The following MYH11 variants were observed in gnomAD, a reference collection of about 807,000 sequenced individuals.
The protein encoded by MYH11 is myosin heavy chain 11.
In MYH11, 80 loss-of-function variants were observed where a neutral mutation model predicts 246.6. The ratio of observed to expected loss-of-function variants is 0.32; its 90% CI spans 0.27 to 0.39. The LOEUF (loss-of-function observed/expected upper bound fraction) is 0.39, where lower values mean the gene tolerates loss of function less well. MYH11 is among the 10% of genes least tolerant of loss of function. MYH11 has a pLI of 1.00. For synonymous variants in MYH11, 1,071 were observed against 1,015.5 expected, an observed-to-expected ratio of 1.05 and a Z score of -1.04; for missense variants, 2,158 against 2,546.8, an observed-to-expected ratio of 0.85 and a Z score of 3.29.
intron 3 of MYH11, among the ~76,000 whole-genome samples, chr16:15,808,565 A>C (rs748179303): frequency 1.3e-5 from 2 of 152,166 alleles, no homozygotes; most frequent in African/African-American, 2.4e-5. Flanking sequence ...GCAACCCAAC[A>C]GGTGTTTTCC....
At position 15,721,385 on chromosome 16, in the gene MYH11, G is replaced by A. The variant is rs373376078; in HGVS notation, c.4578+37C>T. The A allele has an allele frequency of 2.1e-4, 339 of 1,607,430 alleles. 5 individuals carry two copies. In the South Asian group the frequency reaches 3.1e-3, roughly 15 times the overall value. On this transcript the variant is annotated intron_variant, in intron 32 of 40. Coordinates refer to ENST00000300036, the MANE Select transcript of MYH11 (RefSeq NM_002474.3). Reference sequence around the variant, plus strand: ...TGAATAGCACAGAGGGTGGGCAGGCGAAACATGGACGAGAAAAACCACCCA... The same window carrying A: ...TGAATAGCACAGAGGGTGGGCAGGCAAAACATGGACGAGAAAAACCACCCA...
At position 15,798,764 on chromosome 16, in the gene MYH11, AG is replaced by A. The variant is rs1445968882; in HGVS notation, c.503-78del. 5 of 1,435,264 alleles carry A rather than the reference AG, an allele frequency of 3.5e-6. No homozygotes were observed. In the African/African-American group the frequency reaches 7.3e-5, roughly 21 times the overall value. 88.9% of individuals were successfully genotyped at this position (1,435,264 alleles called of 1,614,324 possible). On this transcript the variant is annotated intron_variant, in intron 3 of 40. Coordinates refer to ENST00000300036, the MANE Select transcript of MYH11 (RefSeq NM_002474.3). Reference sequence around the variant, plus strand: ...TAAGGGTCTGGACTTGGCTCCTCCCAGGGCCCTCCCATTCTAAAGCTTCTCC... The same window carrying A: ...TAAGGGTCTGGACTTGGCTCCTCCCAGGCCCTCCCATTCTAAAGCTTCTCC...
In MYH11 at chr16:15,750,520, G is replaced by T. The variant is rs1335757937; in HGVS notation, c.1865-189C>A. ...AAATCCTGAGAGCACCTGAGTGGCA[G>T]AAAGAACAAATTCCCTGTGATGGAG... On this transcript the variant is annotated intron_variant, in intron 15 of 40. Coordinates refer to ENST00000300036, the MANE Select transcript of MYH11 (RefSeq NM_002474.3). This position sits in a 1 kb window ranked among gnomAD's most constrained non-coding sequence, Gnocchi z 4.3. 6.6e-6 allele frequency among the ~76,000 whole-genome samples: 1 copy of T among 152,202 alleles called. No homozygotes were observed. The highest frequency in any genetic ancestry group is 2.4e-5 in the African/African-American group (1 of 41,456).
chr16:15,721,441 T>C lies in MYH11; in HGVS notation c.4559A>G (p.Lys1520Arg). The C allele has an allele frequency of 1.9e-6, 3 of 1,614,216 alleles. No individual in the cohort carries two copies. Among genetic ancestry groups the C allele is most frequent in the Non-Finnish European group, 2.5e-6 (3 of 1,180,044 alleles). The change falls in exon 32 of 41, where the codon AAG becomes AGG. Residue 1520 changes from lysine (K) to arginine (R), a missense_variant. Transcript: ENST00000300036. ...ACTTACGTTCTTGCCCACGTCATCC[T>C]TGGAGCTGACCAGGTCTTCCATTTC... Reference protein sequence around the residue: ...KAEMEDLVSSKDDVGKNVHEL... With the variant: ...KAEMEDLVSSRDDVGKNVHEL...
intron 4 of MYH11, among the ~76,000 whole-genome samples, chr16:15,794,066 C>G (rs2042685795): frequency 6.7e-6 from 1 of 149,396 alleles, no homozygotes; most frequent in South Asian, 2.1e-4. Flanking sequence ...GCCTCAGCCT[C>G]CTGAATAGCT....
chr16:15,798,572 A>T, intron 4 of MYH11, 88 bp downstream of exon 4: 2 of 1,343,124 alleles, frequency 1.5e-6, no homozygotes, highest in Non-Finnish European at 2.0e-6. Flanking sequence ...GCACTCATGG[A>T]TCTTTTCTTT....
At chr16:15,772,346 C>T (rs1192734432) in intron 8 of MYH11, among the ~76,000 whole-genome samples, 1 of 152,026 alleles carries the variant, frequency 6.6e-6, no homozygotes, top group Non-Finnish European at 1.5e-5. Flanking sequence ...CCCACCTTGG[C>T]CTCTCAAAGT....
chr16:15,828,021 C>T (rs1033104231), intron 2 of MYH11, among the ~76,000 whole-genome samples: 1 of 152,208 alleles, frequency 6.6e-6, no homozygotes, highest in African/African-American at 2.4e-5. Context: ...TCATTTACAG[C>T]CCAACCTGTC....
At chr16:15,800,048 A>G (rs1043094025) in intron 3 of MYH11, among the ~76,000 whole-genome samples, 9 of 151,376 alleles carry the variant, frequency 5.9e-5, no homozygotes, top group Admixed American at 4.0e-4. Context: ...GGATGAATAG[A>G]CAGATGGACG....
chr16:15,802,993 C>G (rs1379101177), intron 3 of MYH11, among the ~76,000 whole-genome samples: 1 of 151,736 alleles, frequency 6.6e-6, no homozygotes, highest in Non-Finnish European at 1.5e-5. Flanking sequence ...AAAAATTAGC[C>G]AGGCATGGCG....
chr16:15,826,112 T>C (rs972287850), intron 2 of MYH11, among the ~76,000 whole-genome samples: 2 of 152,076 alleles, frequency 1.3e-5, no homozygotes, highest in African/African-American at 4.8e-5. Context: ...CCTAGGCCCA[T>C]CCAACAGAAA....
chr16:15,828,529 T>G (rs1025003499), intron 2 of MYH11, among the ~76,000 whole-genome samples: 1 of 152,136 alleles, frequency 6.6e-6, no homozygotes, highest in Non-Finnish European at 1.5e-5. Context: ...AGACACTCAG[T>G]CAGCTGTAAT....
chr16:15,842,269 C>G (rs1461292961), intron 1 of MYH11, among the ~76,000 whole-genome samples: 1 of 152,020 alleles, frequency 6.6e-6, no homozygotes, highest in Non-Finnish European at 1.5e-5. Context: ...GCCTACAATC[C>G]CAGCTACTCG....
Position 15,798,713 on chromosome 16 carries a change from G to A in MYH11, c.503-26C>T, listed in dbSNP as rs1027573417. On this transcript the variant is annotated intron_variant, in intron 3 of 40. Transcript: ENST00000300036. ...CTGCAAACAGAAAGAAGAAAAAAGA[G>A]CCATGAATTAAAATGAGCTCTGAGC... 9.9e-6 allele frequency: 16 copies of A among 1,612,434 alleles called. No homozygotes were observed. The African/African-American group carries it at 1.5e-4, about 15-fold the overall frequency.
intron 10 of MYH11, 55 bp downstream of exon 10, chr16:15,763,741 T>TCGGGCCCCCCCCCCCCCCCCCCCCC: frequency 1.5e-6 from 1 of 646,862 alleles, no homozygotes; most frequent in Non-Finnish European, 2.9e-6. Flanking sequence ...AAATGTCACC[T>TCGGGCCCCCCCCCCCCCCCCCCCCC]CCCCCACCCC....
intron 3 of MYH11, among the ~76,000 whole-genome samples, chr16:15,812,777 G>T (rs1326246435): frequency 1.3e-5 from 2 of 152,122 alleles, no homozygotes; most frequent in African/African-American, 4.8e-5. Flanking sequence ...GGGAGCTGAG[G>T]TGAGAAGATC....
intron 2 of MYH11, among the ~76,000 whole-genome samples, chr16:15,826,605 A>AAAGG (rs2043573388): frequency 2.7e-5 from 4 of 147,554 alleles, no homozygotes; most frequent in African/African-American, 1.1e-4. Context: ...AAAAAGAAAG[A>AAAGG]AAAAGAGAGA....
At chr16:15,847,154 AAG>A (rs2044211439) in intron 1 of MYH11, among the ~76,000 whole-genome samples, 1 of 151,998 alleles carries the variant, frequency 6.6e-6, no homozygotes, top group African/African-American at 2.4e-5. Flanking sequence ...TGCAATAATG[AAG>A]AGTTTGTGCA....
At chr16:15,810,919 G>A (rs182683529) in intron 3 of MYH11, among the ~76,000 whole-genome samples, 3 of 152,238 alleles carry the variant, frequency 2.0e-5, no homozygotes, top group East Asian at 1.9e-4. Context: ...ATTCTGAATC[G>A]GCAGGACAGG....
Sources: gnomAD v4.1 joint callset for allele counts (sites outside exome capture counted in the v4.1 genomes callset) on GRCh38, gnomAD v4.1.1 for gene constraint, Gnocchi (gnomAD v3.1) non-coding constraint, MANE v1.5 for transcripts, NCBI Gene and HGNC (gene_info 2026-07-23, HGNC 2026-07-21) for gene names.